Variants in LMBR1 observed in about 807,000 individuals in gnomAD.
The protein encoded by LMBR1 is limb region 1 protein homolog.
LMBR1 carries 52 observed loss-of-function variants against 73.9 expected under a neutral mutation model. That is an observed-to-expected ratio of 0.70 (90% CI 0.56 to 0.89). The LOEUF (loss-of-function observed/expected upper bound fraction) is 0.89. Ranked by LOEUF, LMBR1 falls within the 40% of genes least tolerant of loss-of-function variation. The pLI is 0.00. For synonymous variants in LMBR1, 215 were observed against 209.4 expected (o/e 1.03, Z -0.23); for missense variants, 539 against 579.8 (o/e 0.93, Z 0.72).
At chr7:156,702,113 G>C in intron 15 of LMBR1, among the ~76,000 whole-genome samples, 1 of 152,156 alleles carries the variant, frequency 6.6e-6, no homozygotes, top group East Asian at 1.9e-4. Flanking sequence ...CTTTATAACT[G>C]ATTTTTATTC....
Position 156,688,133 on chromosome 7 carries a change from G to A in LMBR1, c.1284C>T (p.Phe428=), listed in dbSNP as rs762121626. ...GCAAATTGTAGGATAATACAATATA[G>A]AAATTTCCCAGCCAATTAAACCTTC... ...DFGRFNWLGN[F]YIVLSYNLLF... is the part of the protein sequence containing the mutation. Residue 428 remains phenylalanine (F), a synonymous_variant, in exon 16 of 17, where the codon TTC becomes TTT. Transcript: ENST00000353442. The A allele has an allele frequency of 6.2e-6, 10 of 1,610,476 alleles. No individual in the cohort carries two copies. The Admixed American group carries it at 1.7e-4, about 27-fold the overall frequency.
At position 156,809,713 on chromosome 7, in the gene LMBR1, T is replaced by C. The variant is rs573930997; in HGVS notation, c.320-13221A>G. On this transcript the variant is annotated intron_variant, in intron 4 of 16. Coordinates refer to ENST00000353442, the MANE Select transcript of LMBR1 (RefSeq NM_022458.4). ...CTGTTGCTACACTGTCACAACGTCA[T>C]CTGGCTTGCATTGTTTCCCACCAGA... Among the ~76,000 whole-genome samples, 7 of 152,328 alleles carry C rather than the reference T, an allele frequency of 4.6e-5. No individual in the cohort carries two copies. In the East Asian group the frequency reaches 1.3e-3, roughly 29 times the overall value.
intron 4 of LMBR1, among the ~76,000 whole-genome samples, chr7:156,811,004 T>G (rs1057077253): frequency 2.3e-4 from 35 of 150,748 alleles, no homozygotes; most frequent in African/African-American, 8.3e-4. Context: ...AGAGACGAGG[T>G]TTCACCAAGT....
intron 9 of LMBR1, among the ~76,000 whole-genome samples, chr7:156,735,671 A>G (rs1053329409): frequency 6.6e-6 from 1 of 150,764 alleles, no homozygotes. Context: ...CTTATGAATC[A>G]TATATTTTAT....
intron 15 of LMBR1, among the ~76,000 whole-genome samples, chr7:156,696,067 G>A (rs555841169): frequency 6.6e-6 from 1 of 152,298 alleles, no homozygotes; most frequent in South Asian, 2.1e-4. Context: ...AACTCAAAGT[G>A]AGTCATGGGC....
chr7:156,732,017 T>C (rs955041960), intron 10 of LMBR1, among the ~76,000 whole-genome samples: 4 of 151,396 alleles, frequency 2.6e-5, no homozygotes, highest in African/African-American at 7.3e-5. Flanking sequence ...AAATCTAATA[T>C]CCACCAACAG....
At chr7:156,888,286 T>C (rs1802280647) in intron 1 of LMBR1, among the ~76,000 whole-genome samples, 1 of 151,814 alleles carries the variant, frequency 6.6e-6, no homozygotes, top group South Asian at 2.1e-4. Flanking sequence ...GGCGGGTGCC[T>C]GTAGTCCCAG....
intron 1 of LMBR1, among the ~76,000 whole-genome samples, chr7:156,838,463 G>A (rs1838057958): frequency 6.6e-6 from 1 of 152,152 alleles, no homozygotes; most frequent in South Asian, 2.1e-4. Context: ...AGATCATGAA[G>A]TATTTGTCTT....
At chr7:156,720,666 AAAT>A (rs1485757783) in intron 15 of LMBR1, among the ~76,000 whole-genome samples, 2 of 151,608 alleles carry the variant, frequency 1.3e-5, no homozygotes, top group South Asian at 2.1e-4. Flanking sequence ...TAATAAAGTT[AAAT>A]AATAAAGTTA....
intron 4 of LMBR1, among the ~76,000 whole-genome samples, chr7:156,816,157 A>C (rs1833881214): frequency 6.6e-6 from 1 of 152,132 alleles, no homozygotes. Flanking sequence ...AAACAAAGAT[A>C]GTTTATCAAA....
intron 5 of LMBR1, among the ~76,000 whole-genome samples, chr7:156,794,293 A>T (rs1051216910): frequency 6.6e-5 from 10 of 152,310 alleles, no homozygotes; most frequent in South Asian, 2.1e-4. Context: ...AAGACTAAAA[A>T]TTTTTTTAAA....
intron 4 of LMBR1, among the ~76,000 whole-genome samples, chr7:156,805,566 T>G (rs939439773): frequency 6.6e-6 from 1 of 152,234 alleles, no homozygotes; most frequent in South Asian, 2.1e-4. Context: ...TTAGGTCAGA[T>G]GGTCAATCCT....
chr7:156,736,479 T>C, intron 9 of LMBR1: 1 of 456,448 alleles, frequency 2.2e-6, no homozygotes, highest in South Asian at 1.6e-5. Context: ...TAGCTCAAAG[T>C]GTCAAACACA....
chr7:156,811,775 A>G (rs934881118), intron 4 of LMBR1, among the ~76,000 whole-genome samples: 37 of 152,174 alleles, frequency 2.4e-4, no homozygotes, highest in African/African-American at 8.7e-4. Flanking sequence ...ACAAAGCACC[A>G]CAAACCGAAT....
chr7:156,804,364 A>T (rs893339067), intron 4 of LMBR1, among the ~76,000 whole-genome samples: 1 of 152,178 alleles, frequency 6.6e-6, no homozygotes, highest in Non-Finnish European at 1.5e-5. Context: ...GCTCATGTAC[A>T]AGTCTGTGTA....
chr7:156,804,983 C>T (rs772623083), intron 4 of LMBR1, among the ~76,000 whole-genome samples: 6 of 152,010 alleles, frequency 3.9e-5, no homozygotes, highest in Non-Finnish European at 8.8e-5. Context: ...ACATTTAAGT[C>T]GATGATCCCT....
At chr7:156,847,642 A>G (rs1239513948) in intron 1 of LMBR1, among the ~76,000 whole-genome samples, 1 of 151,612 alleles carries the variant, frequency 6.6e-6, no homozygotes, top group African/African-American at 2.4e-5. Context: ...CTCATGAGTG[A>G]AGATACGCAG....
intron 1 of LMBR1, chr7:156,892,573 A>G (rs2134677204): frequency 5.3e-6 from 1 of 187,950 alleles, no homozygotes; most frequent in African/African-American, 2.3e-5. Context: ...CTGGGGTCCC[A>G]GAGCGCGGCG....
Position 156,797,987 on chromosome 7 carries a change from CCAAA to C in LMBR1, c.320-1499_320-1496del, listed in dbSNP as rs1420143907. On this transcript the variant is annotated intron_variant, in intron 4 of 16. Coordinates refer to ENST00000353442, the MANE Select transcript of LMBR1 (RefSeq NM_022458.4). ...TATATTTTCCAGCCTTTAAAAAAAGCCAAACATTCTGTTTTCTTTATTCAAAAAG... is the reference window on the plus strand; with the variant it reads ...TATATTTTCCAGCCTTTAAAAAAAGCCATTCTGTTTTCTTTATTCAAAAAG... Among the ~76,000 whole-genome samples, 9 of 149,924 alleles carry C rather than the reference CCAAA, an allele frequency of 6.0e-5. No individual in the cohort carries two copies. The South Asian group carries it at 1.1e-3, about 18-fold the overall frequency.
Sources: allele counts gnomAD v4.1 joint callset (sites outside exome capture counted in the v4.1 genomes callset), GRCh38; gene constraint gnomAD v4.1.1; transcripts MANE v1.5; gene names NCBI Gene and HGNC (gene_info 2026-07-23, HGNC 2026-07-21).